The following NRG1 variants were observed in gnomAD, a reference collection of about 807,000 sequenced individuals.
NRG1 encodes the protein neuregulin 1, also known as pro-neuregulin-1, membrane-bound isoform.
A neutral mutation model predicts 63.8 loss-of-function variants in NRG1; 18 were observed. The observed-to-expected ratio is 0.28, with a 90% CI of 0.19 to 0.42. The LOEUF is 0.42. Ranked by LOEUF, NRG1 falls within the 10% of genes least tolerant of loss-of-function variation. The pLI, the probability that NRG1 is intolerant of heterozygous loss-of-function variation, is 1.00. For missense variants in NRG1, 762 were observed against 814.7 expected (o/e 0.94, Z 0.79); for synonymous variants, 302 against 301.3 (o/e 1.00, Z -0.02).
intron 1 of NRG1, among the ~76,000 whole-genome samples, chr8:31,782,767 G>A (rs1440533204): frequency 1.3e-5 from 2 of 152,108 alleles, no homozygotes; most frequent in African/African-American, 4.8e-5. Context: ...AGAGGATCTC[G>A]TTAAAATGTG....
chr8:32,419,501 A>AT (rs1397480316), intron 1 of NRG1, among the ~76,000 whole-genome samples: 1 of 152,158 alleles, frequency 6.6e-6, no homozygotes, highest in African/African-American at 2.4e-5. Context: ...GTAGAACTAG[A>AT]CCCCAATCAA....
intron 1 of NRG1, among the ~76,000 whole-genome samples, chr8:32,327,040 C>T (rs542343420): frequency 3.9e-5 from 6 of 152,216 alleles, no homozygotes; most frequent in East Asian, 1.9e-4. Context: ...AATAATGAAT[C>T]GGATAGAAGT....
chr8:31,836,151 TG>T (rs1825671784), intron 1 of NRG1, among the ~76,000 whole-genome samples: 1 of 152,172 alleles, frequency 6.6e-6, no homozygotes, highest in Non-Finnish European at 1.5e-5. Flanking sequence ...CCTAGGATCC[TG>T]GTCTCTTGAC....
chr8:31,926,918 C>A (rs1211695940), intron 1 of NRG1, among the ~76,000 whole-genome samples: 1 of 152,168 alleles, frequency 6.6e-6, no homozygotes, highest in African/African-American at 2.4e-5. Context: ...AGTAACCTGA[C>A]CACTCTCTCC....
At chr8:32,206,028 G>C (rs1319783474) in intron 1 of NRG1, among the ~76,000 whole-genome samples, 1 of 151,984 alleles carries the variant, frequency 6.6e-6, no homozygotes, top group Non-Finnish European at 1.5e-5. Context: ...AATCCCTTGA[G>C]GCCAGTTCAA....
chr8:32,733,728 G>C (rs1466169053), intron 6 of NRG1, among the ~76,000 whole-genome samples: 1 of 152,108 alleles, frequency 6.6e-6, no homozygotes, highest in Non-Finnish European at 1.5e-5. Context: ...TAAAGAAAAT[G>C]AAATTGCTAA....
intron 5 of NRG1, among the ~76,000 whole-genome samples, chr8:32,658,013 G>GT (rs1801949558): frequency 6.6e-6 from 1 of 152,112 alleles, no homozygotes; most frequent in Non-Finnish European, 1.5e-5. Context: ...AATTACTTCA[G>GT]TTTTTTTAAA....
At chr8:32,377,129 A>G (rs550156145) in intron 1 of NRG1, among the ~76,000 whole-genome samples, 46 of 152,346 alleles carry the variant, frequency 3.0e-4, no homozygotes, top group African/African-American at 1.0e-3. Flanking sequence ...GCCATTTTGG[A>G]AGAATTAGCC....
chr8:32,132,998 T>TC (rs1184918360), intron 1 of NRG1, among the ~76,000 whole-genome samples: 1 of 151,252 alleles, frequency 6.6e-6, no homozygotes, highest in Non-Finnish European at 1.5e-5. Context: ...TTCCCACTCC[T>TC]CCCCCCTTTC....
chr8:32,319,485 C>G (rs964646453), intron 1 of NRG1, among the ~76,000 whole-genome samples: 6 of 152,200 alleles, frequency 3.9e-5, no homozygotes, highest in Non-Finnish European at 8.8e-5. Flanking sequence ...AAAGATCTAG[C>G]AGGAAAAGAG....
intron 1 of NRG1, among the ~76,000 whole-genome samples, chr8:31,763,248 G>A (rs1435375358): frequency 6.6e-6 from 1 of 152,066 alleles, no homozygotes; most frequent in Admixed American, 6.5e-5. Flanking sequence ...ATTTCTCTGT[G>A]GAATTTGATC....
At chr8:32,315,546 C>T (rs992081599) in intron 1 of NRG1, among the ~76,000 whole-genome samples, 1 of 152,206 alleles carries the variant, frequency 6.6e-6, no homozygotes, top group African/African-American at 2.4e-5. Context: ...CATATGCACA[C>T]TCACCGAACT....
chr8:32,321,703 A>T (rs1375509070), intron 1 of NRG1, among the ~76,000 whole-genome samples: 1 of 152,068 alleles, frequency 6.6e-6, no homozygotes, highest in Non-Finnish European at 1.5e-5. Context: ...AATATAGTAA[A>T]TACAATGTTT....
intron 1 of NRG1, among the ~76,000 whole-genome samples, chr8:31,694,754 G>C (rs1483722004): frequency 6.6e-6 from 1 of 152,162 alleles, no homozygotes; most frequent in Non-Finnish European, 1.5e-5. Flanking sequence ...TCTTCTGAAA[G>C]TTACTTGGCA....
At chr8:32,145,144 A>C (rs375079483) in intron 1 of NRG1, among the ~76,000 whole-genome samples, 6 of 152,342 alleles carry the variant, frequency 3.9e-5, no homozygotes, top group African/African-American at 1.2e-4. Context: ...ATTCAACCAC[A>C]GCCTTTACCT....
intron 5 of NRG1, among the ~76,000 whole-genome samples, chr8:32,639,149 T>C (rs1851859071): frequency 6.6e-6 from 1 of 152,196 alleles, no homozygotes; most frequent in African/African-American, 2.4e-5. Context: ...CTCATGCCTA[T>C]AATCCTAGCA....
chr8:31,691,440 A>G (rs1420795922), intron 1 of NRG1, among the ~76,000 whole-genome samples: 1 of 151,726 alleles, frequency 6.6e-6, no homozygotes, highest in Non-Finnish European at 1.5e-5. Flanking sequence ...CTAAAAATAC[A>G]AAAAATTAGC....
chr8:31,784,196 A>G (rs1819963487), intron 1 of NRG1, among the ~76,000 whole-genome samples: 2 of 152,190 alleles, frequency 1.3e-5, no homozygotes, highest in Admixed American at 6.5e-5. Context: ...TTTTGGTTGA[A>G]TTTACCCTCA....
At chr8:31,724,206 A>G (rs1020358818) in intron 1 of NRG1, among the ~76,000 whole-genome samples, 2 of 152,172 alleles carry the variant, frequency 1.3e-5, no homozygotes, top group Non-Finnish European at 2.9e-5. Context: ...GAGAAAACCT[A>G]GAGAAGACAT....
Sources: allele counts gnomAD v4.1 joint callset (sites outside exome capture counted in the v4.1 genomes callset), GRCh38; gene constraint gnomAD v4.1.1; transcripts MANE v1.5; gene names NCBI Gene and HGNC (gene_info 2026-07-23, HGNC 2026-07-21).